Variants in TSPAN9 observed in about 807,000 individuals in gnomAD.
TSPAN9 encodes tetraspanin 9, also known as tetraspanin-9.
In TSPAN9, 16 loss-of-function variants were observed where a neutral mutation model predicts 31.0. The ratio of observed to expected loss-of-function variants is 0.52; its 90% CI spans 0.35 to 0.78. The LOEUF is 0.78. Among genes scored for constraint, TSPAN9 ranks in the 30% least tolerant of loss-of-function variants. TSPAN9 has a pLI of 0.01. For synonymous variants in TSPAN9, 145 were observed against 121.6 expected, an observed-to-expected ratio of 1.19 and a Z score of -1.27; for missense variants, 272 against 312.5, an observed-to-expected ratio of 0.87 and a Z score of 0.98.
chr12:3,181,752 C>G (rs1448258258), intron 2 of TSPAN9, among the ~76,000 whole-genome samples: 3 of 152,176 alleles, frequency 2.0e-5, no homozygotes, highest in Non-Finnish European at 4.4e-5. Flanking sequence ...CCCTCGTGCC[C>G]TTCCCTCTGC....
intron 2 of TSPAN9, among the ~76,000 whole-genome samples, chr12:3,130,572 G>C (rs1246280913): frequency 2.0e-5 from 3 of 152,168 alleles, no homozygotes; most frequent in Non-Finnish European, 2.9e-5. Context: ...CTCGGGACTG[G>C]CCTGGGGCAG....
intron 2 of TSPAN9, among the ~76,000 whole-genome samples, chr12:3,162,412 A>G (rs1460735286): frequency 6.6e-6 from 1 of 152,188 alleles, no homozygotes; most frequent in Non-Finnish European, 1.5e-5. Flanking sequence ...TGAAGGTCAG[A>G]ACAGGAGGAT....
At chr12:3,210,416 AC>A (rs1403438016) in intron 3 of TSPAN9, among the ~76,000 whole-genome samples, 3 of 152,240 alleles carry the variant, frequency 2.0e-5, no homozygotes, top group Admixed American at 2.0e-4. Flanking sequence ...TTCTTTGATC[AC>A]TAGTGGACAT....
chr12:3,236,202 C>G (rs376004006), intron 3 of TSPAN9, among the ~76,000 whole-genome samples: 20 of 152,344 alleles, frequency 1.3e-4, no homozygotes, highest in African/African-American at 4.3e-4. Context: ...TGACTCTGAG[C>G]CAGTTGCTTA....
chr12:3,282,709 C>A (rs1425009240), intron 8 of TSPAN9, among the ~76,000 whole-genome samples: 1 of 152,198 alleles, frequency 6.6e-6, no homozygotes, highest in African/African-American at 2.4e-5. Flanking sequence ...CACTCCCCAC[C>A]TTGGCTCCTG....
intron 3 of TSPAN9, among the ~76,000 whole-genome samples, chr12:3,245,445 C>T (rs1296230088): frequency 6.6e-6 from 1 of 152,186 alleles, no homozygotes; most frequent in African/African-American, 2.4e-5. Context: ...TTGTGTGCTG[C>T]AAAGGAGGGA....
chr12:3,085,734 T>C (rs1591619942), intron 2 of TSPAN9, among the ~76,000 whole-genome samples: 1 of 151,888 alleles, frequency 6.6e-6, no homozygotes, highest in African/African-American at 2.4e-5. Flanking sequence ...CTGCTGGAGG[T>C]GGTTTCTGAG....
At chr12:3,265,528 C>T (rs964416996) in intron 3 of TSPAN9, among the ~76,000 whole-genome samples, 6 of 152,254 alleles carry the variant, frequency 3.9e-5, no homozygotes, top group African/African-American at 7.2e-5. Context: ...CTTGCTTCCT[C>T]TTGGAGAGTG....
chr12:3,194,981 T>C (rs1429094811), intron 2 of TSPAN9, among the ~76,000 whole-genome samples: 2 of 152,162 alleles, frequency 1.3e-5, no homozygotes, highest in African/African-American at 4.8e-5. Context: ...GATCCCAAAT[T>C]TGGAGTTTAA....
At chr12:3,269,651 T>C (rs1489427905) in intron 3 of TSPAN9, among the ~76,000 whole-genome samples, 1 of 152,268 alleles carries the variant, frequency 6.6e-6, no homozygotes, top group African/African-American at 2.4e-5. Context: ...GCTCACTTGA[T>C]CTGCCCAGGG....
intron 2 of TSPAN9, among the ~76,000 whole-genome samples, chr12:3,084,804 G>A (rs1343946769): frequency 6.6e-6 from 1 of 152,222 alleles, no homozygotes; most frequent in Non-Finnish European, 1.5e-5. Context: ...CGGAGCAGGG[G>A]CTCCAGCCCA....
chr12:3,214,592 C>T (rs990535989), intron 3 of TSPAN9, among the ~76,000 whole-genome samples: 2 of 152,106 alleles, frequency 1.3e-5, no homozygotes, highest in East Asian at 1.9e-4. Flanking sequence ...TTCAGGGTAG[C>T]AAGAAATGGA....
intron 2 of TSPAN9, among the ~76,000 whole-genome samples, chr12:3,151,946 G>A (rs116586885): frequency 0.012 from 1,812 of 152,142 alleles, 43 homozygotes; most frequent in African/African-American, 0.041. Context: ...AAAACACACA[G>A]CCGATCTTTG....
At chr12:3,154,639 G>T (rs1217009532) in intron 2 of TSPAN9, among the ~76,000 whole-genome samples, 1 of 152,202 alleles carries the variant, frequency 6.6e-6, no homozygotes, top group Non-Finnish European at 1.5e-5. Context: ...TTGTTTTGCA[G>T]CAGGTTGACC....
At chr12:3,207,239 A>G (rs1025226648) in intron 3 of TSPAN9, among the ~76,000 whole-genome samples, 1 of 151,642 alleles carries the variant, frequency 6.6e-6, no homozygotes, top group South Asian at 2.1e-4. Context: ...CTCGGGCTCA[A>G]GCTGTCACTG....
In TSPAN9 at chr12:3,283,092, G is replaced by A; in HGVS notation, c.696G>A (p.Arg232=). 1 of 1,609,604 alleles carries A rather than the reference G, an allele frequency of 6.2e-7. No homozygotes were observed. Among genetic ancestry groups the A allele is most frequent in the Non-Finnish European group, 8.5e-7 (1 of 1,179,992 alleles). ...FSMTLFQHIH[R]TGKKYDA ...TGACCCTCTTCCAGCACATCCACCG[G>A]ACTGGTAAGAAGTACGACGCATGAG... The change falls in exon 9 of 9, where the codon CGG becomes CGA. Residue 232 remains arginine, a synonymous_variant. Coordinates refer to ENST00000011898, the MANE Select transcript of TSPAN9 (RefSeq NM_006675.5).
At chr12:3,103,684 C>T (rs1366795961) in intron 2 of TSPAN9, among the ~76,000 whole-genome samples, 5 of 152,152 alleles carry the variant, frequency 3.3e-5, no homozygotes, top group Non-Finnish European at 7.3e-5. Flanking sequence ...ATGAGGCAGC[C>T]ACCAGCCTCA....
chr12:3,160,782 G>A (rs996032817), intron 2 of TSPAN9, among the ~76,000 whole-genome samples: 2 of 151,814 alleles, frequency 1.3e-5, no homozygotes, highest in Non-Finnish European at 2.9e-5. Flanking sequence ...TTTAAAATTG[G>A]GTATTTGTCT....
chr12:3,212,303 T>C (rs766412635), intron 3 of TSPAN9, among the ~76,000 whole-genome samples: 88 of 152,294 alleles, frequency 5.8e-4, no homozygotes, highest in Non-Finnish European at 1.2e-4. Flanking sequence ...ATATGAATAG[T>C]ATTCTACTTA....
Sources: allele counts gnomAD v4.1 joint callset (sites outside exome capture counted in the v4.1 genomes callset), GRCh38; gene constraint gnomAD v4.1.1; transcripts MANE v1.5; gene names NCBI Gene and HGNC (gene_info 2026-07-23, HGNC 2026-07-21).